The following CECR2 variants were observed in gnomAD, a reference collection of about 807,000 sequenced individuals.
CECR2 encodes the protein chromatin remodeling regulator CECR2.
Under a neutral mutation model 154.5 loss-of-function variants are expected in CECR2, and 30 were observed. That is an observed-to-expected ratio of 0.19 (90% CI 0.15 to 0.26). The LOEUF (loss-of-function observed/expected upper bound fraction) is 0.26. Among genes scored for constraint, CECR2 ranks in the 10% least tolerant of loss-of-function variants. CECR2 has a pLI of 1.00. For synonymous variants in CECR2, 725 were observed against 683.7 expected, an observed-to-expected ratio of 1.06 and a Z score of -0.94; for missense variants, 1,743 against 1,829.3, an observed-to-expected ratio of 0.95 and a Z score of 0.86.
intron 6 of CECR2, among the ~76,000 whole-genome samples, chr22:17,503,813 G>A (rs546195743): frequency 7.9e-5 from 12 of 152,090 alleles, no homozygotes; most frequent in Non-Finnish European, 1.2e-4. Context: ...TTGGGAGGTC[G>A]AGGTGGATGG....
intron 2 of CECR2, among the ~76,000 whole-genome samples, chr22:17,494,060 A>G (rs1003905965): frequency 1.3e-5 from 2 of 152,248 alleles, no homozygotes; most frequent in Non-Finnish European, 2.9e-5. Flanking sequence ...TGGCTACTAA[A>G]AAAGCAGTTT....
chr22:17,399,707 C>T (rs2053864235), intron 1 of CECR2, among the ~76,000 whole-genome samples: 1 of 152,124 alleles, frequency 6.6e-6, no homozygotes, highest in Admixed American at 6.5e-5. Context: ...CGCACCCAAC[C>T]TGTAATGGTG....
chr22:17,477,015 T>A (rs1373684127), intron 1 of CECR2: 1 of 671,472 alleles, frequency 1.5e-6, no homozygotes, highest in East Asian at 2.7e-5. Context: ...GATGTAAGAT[T>A]AGCCTTGGAT....
At chr22:17,489,040 C>G (rs948801695) in intron 2 of CECR2, among the ~76,000 whole-genome samples, 5 of 152,202 alleles carry the variant, frequency 3.3e-5, no homozygotes, top group African/African-American at 1.2e-4. Context: ...CAACCTCCAC[C>G]TCAAGTGATT....
chr22:17,519,656 A>T lies in CECR2; in HGVS notation c.955-4462A>T, dbSNP rs574400403. Among the ~76,000 whole-genome samples, 68 of 152,310 alleles carry T rather than the reference A, an allele frequency of 4.5e-4. 2 individuals are homozygous for T. The South Asian group carries it at 0.014, about 31-fold the overall frequency. On this transcript the variant is annotated intron_variant, in intron 8 of 18. Transcript: ENST00000262608. ...GATTGTGAGATATTACATATTAAGAATAATAAGTCATACTCATTACAGAAA... is the reference window on the plus strand; with the variant it reads ...GATTGTGAGATATTACATATTAAGATTAATAAGTCATACTCATTACAGAAA...
At chr22:17,421,473 G>A (rs1459887311) in intron 1 of CECR2, among the ~76,000 whole-genome samples, 1 of 151,908 alleles carries the variant, frequency 6.6e-6, no homozygotes, top group Non-Finnish European at 1.5e-5. Flanking sequence ...AAATTAGTCG[G>A]GTGTAGTGGC....
intron 1 of CECR2, among the ~76,000 whole-genome samples, chr22:17,361,248 G>A (rs1472572895): frequency 2.6e-5 from 4 of 152,172 alleles, no homozygotes. Flanking sequence ...AGCATTTTGG[G>A]AGGCCGAGGT....
intron 1 of CECR2, among the ~76,000 whole-genome samples, chr22:17,434,869 G>A (rs2054479330): frequency 6.6e-6 from 1 of 152,070 alleles, no homozygotes; most frequent in Non-Finnish European, 1.5e-5. Flanking sequence ...AAGTCAAGGG[G>A]GACTTGAGAG....
chr22:17,532,025 C>A (rs968628602), intron 9 of CECR2, among the ~76,000 whole-genome samples: 3 of 151,878 alleles, frequency 2.0e-5, no homozygotes, highest in African/African-American at 7.3e-5. Context: ...TAAAAATTAG[C>A]CAGACATGGT....
intron 1 of CECR2, among the ~76,000 whole-genome samples, chr22:17,438,543 C>T (rs146699211): frequency 4.6e-5 from 7 of 152,282 alleles, no homozygotes; most frequent in Non-Finnish European, 8.8e-5. Flanking sequence ...CCCACCTGCC[C>T]GCAGGCCGCC....
At position 17,549,199 on chromosome 22, in the gene CECR2, A is replaced by T. The variant is rs1004988435; in HGVS notation, c.3912A>T (p.Ala1304=). ...KEFLDLDNHN[A]ATKRQSSLSA... is the part of the protein sequence containing the mutation. ...TTTTAGACCTGGACAACCATAACGC[A>T]GCTACCAAGCGGCAGAGCTCGTTGT... The change falls in exon 17 of 19, where the codon GCA becomes GCT. Residue 1304 remains alanine (A), a synonymous_variant. Coordinates refer to ENST00000262608, the MANE Select transcript of CECR2 (RefSeq NM_001290047.2). The T allele has an allele frequency of 6.2e-7, 1 of 1,614,054 alleles. No homozygotes were observed. Among genetic ancestry groups the T allele is most frequent in the African/African-American group, 1.3e-5 (1 of 75,066 alleles).
intron 1 of CECR2, among the ~76,000 whole-genome samples, chr22:17,374,519 C>G (rs1037129968): frequency 2.6e-5 from 4 of 152,134 alleles, no homozygotes; most frequent in Admixed American, 6.5e-5. Flanking sequence ...GCCTATTGCT[C>G]TCATCACATT....
intron 7 of CECR2, among the ~76,000 whole-genome samples, chr22:17,511,061 T>C (rs114506725): frequency 0.02 from 3,001 of 152,292 alleles, 98 homozygotes; most frequent in African/African-American, 0.069. Context: ...CCCTGGAGAA[T>C]GCAGATTTTT....
At chr22:17,455,129 A>C (rs1182864389) in intron 1 of CECR2, among the ~76,000 whole-genome samples, 1 of 152,236 alleles carries the variant, frequency 6.6e-6, no homozygotes, top group African/African-American at 2.4e-5. Context: ...AATGCTGAGA[A>C]AGGTAAAAAC....
At chr22:17,476,975 C>T (rs2055218060) in intron 1 of CECR2, 1 of 561,002 alleles carries the variant, frequency 1.8e-6, no homozygotes, top group African/African-American at 1.9e-5. Context: ...CAAAGACATT[C>T]ACAGAGACGT....
At chr22:17,463,200 G>A (rs1447434494) in intron 1 of CECR2, among the ~76,000 whole-genome samples, 1 of 152,160 alleles carries the variant, frequency 6.6e-6, no homozygotes, top group African/African-American at 2.4e-5. Context: ...TAAGAGGCCA[G>A]TATGAGTTAG....
chr22:17,437,343 G>C (rs550528779), intron 1 of CECR2, among the ~76,000 whole-genome samples: 3 of 152,078 alleles, frequency 2.0e-5, no homozygotes, highest in African/African-American at 7.2e-5. Flanking sequence ...AGTTTGTTTC[G>C]TCCCTTTGTT....
chr22:17,429,734 G>T (rs1033572312), intron 1 of CECR2, among the ~76,000 whole-genome samples: 2 of 152,100 alleles, frequency 1.3e-5, no homozygotes, highest in African/African-American at 4.8e-5. Flanking sequence ...AGGGACAGAA[G>T]GAGATTACAG....
At chr22:17,529,926 A>T (rs1360588311) in intron 9 of CECR2, among the ~76,000 whole-genome samples, 1 of 152,206 alleles carries the variant, frequency 6.6e-6, no homozygotes, top group Non-Finnish European at 1.5e-5. Flanking sequence ...TTATGTACTA[A>T]TCAGACACTT....
Sources: gnomAD v4.1 joint callset for allele counts (sites outside exome capture counted in the v4.1 genomes callset) on GRCh38, gnomAD v4.1.1 for gene constraint, MANE v1.5 for transcripts, NCBI Gene and HGNC (gene_info 2026-07-23, HGNC 2026-07-21) for gene names.